MLXIPL: variants seen among roughly 807,000 people sequenced by gnomAD.
MLXIPL encodes carbohydrate-responsive element-binding protein.
A neutral mutation model predicts 81.5 loss-of-function variants in MLXIPL; 49 were observed. That is an observed-to-expected ratio of 0.60 (90% CI 0.48 to 0.76). The LOEUF (loss-of-function observed/expected upper bound fraction) is 0.76, where lower values mean the gene tolerates loss of function less well. Among genes scored for constraint, MLXIPL ranks in the 30% least tolerant of loss-of-function variants. The pLI is 0.00. For missense variants in MLXIPL, 1,053 were observed against 1,167.0 expected, an observed-to-expected ratio of 0.90 and a Z score of 1.42; for synonymous variants, 466 against 485.5, an observed-to-expected ratio of 0.96 and a Z score of 0.53.
In MLXIPL at chr7:73,624,417, C is replaced by T; in HGVS notation, c.76G>A (p.Asp26Asn). Residue 26 changes from aspartate to asparagine, a missense_variant, in exon 1 of 17, where the codon GAC (aspartate) becomes AAC (asparagine). Coordinates refer to ENST00000313375, the MANE Select transcript of MLXIPL (RefSeq NM_032951.3). Reference sequence around the variant, plus strand: ...AGACTCGGGTCCTCCGAGTCTGTGTCCGAGTCCGAGTCTGGGCTGGGCGCG... The same window carrying T: ...AGACTCGGGTCCTCCGAGTCTGTGTTCGAGTCCGAGTCTGGGCTGGGCGCG... ...RVAPSPDSDS[D>N]TDSEDPSLRR... 1 of 1,565,766 alleles carries T rather than the reference C, an allele frequency of 6.4e-7. No individual in the cohort carries two copies. The highest frequency in any genetic ancestry group is 8.6e-7 in the Non-Finnish European group (1 of 1,162,560).
In MLXIPL at chr7:73,593,918, G is replaced by T. The variant is rs781948315; in HGVS notation, c.2506C>A (p.Pro836Thr). The T allele has an allele frequency of 1.9e-6, 3 of 1,614,164 alleles. No individual in the cohort carries two copies. The Admixed American group carries it at 5.0e-5, about 27-fold the overall frequency. Residue 836 changes from proline to threonine, a missense_variant, in exon 17 of 17, where the codon CCT becomes ACT. Around this residue, in one of 3 missense-constraint regions of MLXIPL, gnomAD observed 823 missense variants for 933.0 expected, o/e 0.88. Transcript: ENST00000313375. ...TSILTDPGRI[P>T]EQATRAVTEG... ...GTGACTGCCCGTGTGGCTTGCTCAG[G>T]GATGCGGCCCGGGTCGGTCAGGATA...
Position 73,605,703 on chromosome 7 carries a change from A to T in MLXIPL, c.886T>A (p.Phe296Ile), listed in dbSNP as rs1489937254. 1 of 1,613,544 alleles carries T rather than the reference A, an allele frequency of 6.2e-7. No homozygotes were observed. The highest frequency in any genetic ancestry group is 1.3e-5 in the African/African-American group (1 of 74,912). Residue 296 changes from phenylalanine to isoleucine, a missense_variant, in exon 7 of 17, where the codon TTC becomes ATC. Physicochemically the swap from Phe to Ile is conservative, Grantham distance 21. Coordinates refer to ENST00000313375, the MANE Select transcript of MLXIPL (RefSeq NM_032951.3). ...CTCGCCCCACCTGAGATGTCCATGA[A>T]GTCATCCAGGCTTGGCTGCAGTGGC... is the stretch of plus-strand genomic sequence containing the variant. ...LTPLQPSLDD[F>I]MDISDFFTNS... is the part of the protein sequence containing the mutation.
Position 73,608,317 on chromosome 7 carries a change from C to T in MLXIPL, c.401-645G>A, listed in dbSNP as rs72649028. Among the ~76,000 whole-genome samples the T allele has an allele frequency of 8.9e-3, 1,344 of 151,370 alleles. 14 individuals carry two copies. Among genetic ancestry groups the T allele is most frequent in the Non-Finnish European group, 0.012 (786 of 67,844 alleles). On this transcript the variant is annotated intron_variant, in intron 2 of 16. Transcript: ENST00000313375. The stretch of plus-strand genomic sequence containing the variant: ...AGAAAGTCCTGGTTAGGGCTGGGTG[C>T]GGTGGCTCACACCTGTAATCCCAGC...
the MLXIPL span, among the ~76,000 whole-genome samples, chr7:73,642,775 C>T: frequency 6.6e-5 from 10 of 152,322 alleles, no homozygotes; most frequent in Non-Finnish European, 1.0e-4. Context: ...GGATTATAGG[C>T]GTGAGCCACC....
In MLXIPL at chr7:73,623,937, G is replaced by A. The variant is rs1389199432; in HGVS notation, c.293+263C>T. Among the ~76,000 whole-genome samples the A allele has an allele frequency of 6.6e-6, 1 of 152,130 alleles. No individual in the cohort carries two copies. The highest frequency in any genetic ancestry group is 1.5e-5 in the Non-Finnish European group (1 of 68,022). On this transcript the variant is annotated intron_variant, in intron 1 of 16. Transcript: ENST00000313375. The surrounding 1 kb of genome is among the most constrained non-coding windows in gnomAD (Gnocchi z 5.7). Reference sequence around the variant, plus strand: ...GTCCAGGTAGAGGTGGGGCGCAGGCGGTCTGCGCTTCGGGGAAGAGGGAAT... The same window carrying A: ...GTCCAGGTAGAGGTGGGGCGCAGGCAGTCTGCGCTTCGGGGAAGAGGGAAT...
chr7:73,599,163 C>T (rs1334643439), intron 8 of MLXIPL, among the ~76,000 whole-genome samples: 1 of 151,628 alleles, frequency 6.6e-6, no homozygotes, highest in Non-Finnish European at 1.5e-5. Flanking sequence ...CTTTCTGCCT[C>T]GAAGCTTTTG....
chr7:73,611,822 A>AT (rs1563501559), intron 2 of MLXIPL, among the ~76,000 whole-genome samples: 2 of 151,898 alleles, frequency 1.3e-5, no homozygotes, highest in African/African-American at 2.4e-5. Flanking sequence ...TCAAAAAAAA[A>AT]AAAATAAAAT....
At chr7:73,635,975 T>A in the MLXIPL span, among the ~76,000 whole-genome samples, 1 of 152,042 alleles carries the variant, frequency 6.6e-6, no homozygotes, top group Admixed American at 6.6e-5. Flanking sequence ...GTATGCAGAG[T>A]GAGGCATGCC....
At chr7:73,635,773 T>A in the MLXIPL span, among the ~76,000 whole-genome samples, 1 of 152,174 alleles carries the variant, frequency 6.6e-6, no homozygotes, top group Non-Finnish European at 1.5e-5. Context: ...TACCAATATG[T>A]CTATCTGTCC....
chr7:73,596,738 G>C lies in MLXIPL; in HGVS notation c.1723C>G (p.Pro575Ala). 1 of 1,596,030 alleles carries C rather than the reference G, an allele frequency of 6.3e-7. No individual in the cohort carries two copies. Among genetic ancestry groups the C allele is most frequent in the Non-Finnish European group, 8.5e-7 (1 of 1,172,552 alleles). Reference sequence around the variant, plus strand: ...CCTGGAGGTGGCCGGGGCGGTGTAGGGGCCGGGGTCGGGGGAAGGAATGTG... The same window carrying C: ...CCTGGAGGTGGCCGGGGCGGTGTAGCGGCCGGGGTCGGGGGAAGGAATGTG... ...PCTFLPPTPA[P>A]TPPRPPPGPA... is the part of the protein sequence containing the mutation. The change falls in exon 11 of 17, where the codon CCT becomes GCT. Residue 575 changes from proline (P) to alanine (A), a missense_variant. By Grantham distance (27) the Pro-to-Ala change is conservative. Coordinates refer to ENST00000313375, the MANE Select transcript of MLXIPL (RefSeq NM_032951.3). This position sits in a 1 kb window ranked among gnomAD's most constrained non-coding sequence, Gnocchi z 4.7.
Position 73,596,068 on chromosome 7 carries a change from C to T in MLXIPL, c.2058+85G>A. 3.8e-6 allele frequency: 6 copies of T among 1,598,496 alleles called. No individual in the cohort carries two copies. The highest frequency in any genetic ancestry group is 5.1e-6 in the Non-Finnish European group (6 of 1,175,392). On this transcript the variant is annotated intron_variant, in intron 13 of 16. Coordinates refer to ENST00000313375, the MANE Select transcript of MLXIPL (RefSeq NM_032951.3). This position sits in a 1 kb window ranked among gnomAD's most constrained non-coding sequence, Gnocchi z 4.7. ...GGAGGAGGCAAGAGTGTCTGGAGCACTCCCCTGCAATTGAGTTTTGGGTGG... is the reference window on the plus strand; with the variant it reads ...GGAGGAGGCAAGAGTGTCTGGAGCATTCCCCTGCAATTGAGTTTTGGGTGG...
intron 7 of MLXIPL, among the ~76,000 whole-genome samples, chr7:73,605,131 C>CT (rs1795176346): frequency 6.6e-6 from 1 of 152,234 alleles, no homozygotes; most frequent in Non-Finnish European, 1.5e-5. Context: ...AAGTTCTTCT[C>CT]TCCCCTGAGA....
At chr7:73,610,831 C>CT (rs113955978) in intron 2 of MLXIPL, 23 of 147,726 alleles carry the variant, frequency 1.6e-4, no homozygotes, top group African/African-American at 2.2e-4. Context: ...TTTTCTTTTC[C>CT]TTTTTTTTTT....
chr7:73,638,884 G>C, the MLXIPL span, among the ~76,000 whole-genome samples: 1 of 151,938 alleles, frequency 6.6e-6, no homozygotes. Context: ...CGGCCTTCTG[G>C]GATTTCGGGC....
chr7:73,647,173 TC>T, the MLXIPL span, among the ~76,000 whole-genome samples: 1 of 152,014 alleles, frequency 6.6e-6, no homozygotes, highest in African/African-American at 2.4e-5. Flanking sequence ...GCCCTGGCTT[TC>T]CCCCCTGGGC....
chr7:73,645,026 A>G, the MLXIPL span, among the ~76,000 whole-genome samples: 1 of 146,670 alleles, frequency 6.8e-6, no homozygotes, highest in Non-Finnish European at 1.5e-5. Context: ...TTCTGGGTAG[A>G]GCATTTTTTT....
intron 2 of MLXIPL, among the ~76,000 whole-genome samples, chr7:73,614,841 C>T (rs1308674752): frequency 1.4e-5 from 2 of 139,360 alleles, no homozygotes; most frequent in Non-Finnish European, 3.0e-5. Context: ...GACGGAGTCT[C>T]GCCCTGTCGC....
At chr7:73,603,701 C>T (rs1456279748) in intron 7 of MLXIPL, among the ~76,000 whole-genome samples, 7 of 152,236 alleles carry the variant, frequency 4.6e-5, no homozygotes, top group Admixed American at 2.6e-4. Context: ...CTACCTGGCC[C>T]GCACATAGCT....
At position 73,593,637 on chromosome 7, in the gene MLXIPL, C is replaced by T. The variant is rs1794025280; in HGVS notation, c.*228G>A. On this transcript the variant is annotated 3_prime_UTR_variant, in exon 17 of 17. Coordinates refer to ENST00000313375, the MANE Select transcript of MLXIPL (RefSeq NM_032951.3). ...CGGTCCAAAGACAGCGGACGAGTCA[C>T]CCAAGGTCACGGTGCTGGAGCACAG... 1 of 535,236 alleles carries T rather than the reference C, an allele frequency of 1.9e-6. No individual in the cohort carries two copies. Among genetic ancestry groups the T allele is most frequent in the Non-Finnish European group, 3.4e-6 (1 of 294,474 alleles). 33.2% of individuals were successfully genotyped at this position (535,236 alleles called of 1,614,324 possible). A position where few individuals can be genotyped will look rare whatever the true frequency, so the allele number is the denominator to read the frequency against.
Sources: gnomAD v4.1 joint callset for allele counts (sites outside exome capture counted in the v4.1 genomes callset) on GRCh38, gnomAD v4.1.1 for gene constraint, gnomAD v4.1.1 regional missense constraint, Gnocchi (gnomAD v3.1) non-coding constraint, MANE v1.5 for transcripts, NCBI Gene and HGNC (gene_info 2026-07-23, HGNC 2026-07-21) for gene names.